ACSBG1: variants seen among roughly 807,000 people sequenced by gnomAD.
The protein encoded by ACSBG1 is long-chain-fatty-acid--CoA ligase ACSBG1.
Under a neutral mutation model 80.2 loss-of-function variants are expected in ACSBG1, and 39 were observed. The observed-to-expected ratio is 0.49, with a 90% CI of 0.38 to 0.64. The LOEUF is 0.64. Among genes scored for constraint, ACSBG1 ranks in the 30% least tolerant of loss-of-function variants. The probability of loss-of-function intolerance (pLI) is 0.00; values close to 1 mark genes in which losing one functional copy is unlikely to be tolerated. For missense variants in ACSBG1, 828 were observed against 966.4 expected (o/e 0.86, Z 1.90); for synonymous variants, 392 against 379.5 (o/e 1.03, Z -0.38).
rs144257398 is a variant in ACSBG1 at position 78,211,907 on chromosome 15, C to G, written c.132-3805G>C. Among the ~76,000 whole-genome samples, 966 of 152,318 alleles carry G rather than the reference C, an allele frequency of 6.3e-3. 15 individuals are homozygous for G. The highest frequency in any genetic ancestry group is 0.022 in the African/African-American group (921 of 41,578). On this transcript the variant is annotated intron_variant, in intron 1 of 13. Coordinates refer to ENST00000258873, the MANE Select transcript of ACSBG1 (RefSeq NM_015162.5). ...GCTTTGATGGTCACACATGGCTTGA[C>G]AGCTGGGGCCGCTTCTGATTCAGCT... is the stretch of plus-strand genomic sequence containing the variant.
intron 1 of ACSBG1, among the ~76,000 whole-genome samples, chr15:78,210,563 C>T (rs1394531931): frequency 6.6e-6 from 1 of 152,206 alleles, no homozygotes; most frequent in East Asian, 1.9e-4. Flanking sequence ...TGCTGTCTCA[C>T]ACTCGTTGTT....
At chr15:78,209,168 T>C (rs1310214605) in intron 1 of ACSBG1, 1 of 455,938 alleles carries the variant, frequency 2.2e-6, no homozygotes, top group African/African-American at 2.0e-5. Flanking sequence ...TCAGCCTCAC[T>C]CCTTGTCGGC....
At chr15:78,213,112 T>C (rs1212482156) in intron 1 of ACSBG1, among the ~76,000 whole-genome samples, 1 of 152,144 alleles carries the variant, frequency 6.6e-6, no homozygotes. Flanking sequence ...GCCTAACTAG[T>C]TCCCCATATC....
intron 1 of ACSBG1, chr15:78,209,003 A>G (rs2141368807): frequency 2.6e-6 from 1 of 378,492 alleles, no homozygotes; most frequent in South Asian, 1.9e-5. Context: ...AACAGAATCC[A>G]CTGGAGTTGT....
rs774760381 is a variant in ACSBG1 at position 78,182,492 on chromosome 15, T to C, written c.868A>G (p.Lys290Glu). 9 of 1,614,032 alleles carry C rather than the reference T, an allele frequency of 5.6e-6. No individual in the cohort carries two copies. Among genetic ancestry groups the C allele is most frequent in the Admixed American group, 3.3e-5 (2 of 60,000 alleles). The change falls in exon 7 of 14, where the codon AAG becomes GAG. Residue 290 changes from lysine to glutamate, a missense_variant. Physicochemically the swap from Lys to Glu is moderately conservative, Grantham distance 56. Coordinates refer to ENST00000258873, the MANE Select transcript of ACSBG1 (RefSeq NM_015162.5). Reference sequence around the variant, plus strand: ...TTGTCTTGACTCAGCATCACGCCCTTGGGGTTCCCAGTGGTGCCGGAAGTG... The same window carrying C: ...TTGTCTTGACTCAGCATCACGCCCTCGGGGTTCCCAGTGGTGCCGGAAGTG... ...VYTSGTTGNP[K>E]GVMLSQDNIT...
chr15:78,233,687 C>G (rs968500592), intron 1 of ACSBG1, among the ~76,000 whole-genome samples: 2 of 152,038 alleles, frequency 1.3e-5, no homozygotes, highest in Non-Finnish European at 2.9e-5. Context: ...CCTGGAGTTC[C>G]GTGTGTGTGC....
chr15:78,203,722 TG>T (rs1309319560), intron 2 of ACSBG1, among the ~76,000 whole-genome samples: 2 of 152,206 alleles, frequency 1.3e-5, no homozygotes, highest in Non-Finnish European at 2.9e-5. Flanking sequence ...AGCGGGAGGC[TG>T]GGGCTGTTTT....
intron 1 of ACSBG1, among the ~76,000 whole-genome samples, chr15:78,221,229 T>C (rs981693332): frequency 1.3e-5 from 2 of 152,018 alleles, no homozygotes; most frequent in Non-Finnish European, 1.5e-5. Flanking sequence ...TCCCTCAGTA[T>C]TGATTACTAT....
chr15:78,225,064 T>G (rs894017153), intron 1 of ACSBG1, among the ~76,000 whole-genome samples: 2 of 152,076 alleles, frequency 1.3e-5, no homozygotes, highest in Non-Finnish European at 2.9e-5. Context: ...AAAAAATCAA[T>G]TATATTTATA....
Position 78,169,040 on chromosome 15 carries a change from A to C in ACSBG1, c.*2404T>G. On this transcript the variant is annotated 3_prime_UTR_variant, in exon 14 of 14. Transcript: ENST00000258873. ...AACTGGCATTTACATCAGTCACTCT[A>C]AATGGACACCACATGAACCTCTGTT... The C allele has an allele frequency of 7.6e-7, 1 of 1,307,334 alleles. No homozygotes were observed. Among genetic ancestry groups the C allele is most frequent in the South Asian group, 1.2e-5 (1 of 83,010 alleles). The allele number at this position is 1,307,334 out of a possible 1,614,324, so 81.0% of individuals were successfully genotyped here.
In ACSBG1 at chr15:78,173,956, A is replaced by G. The variant is rs560237558; in HGVS notation, c.1843-117T>C. 4.3e-5 allele frequency: 55 copies of G among 1,270,658 alleles called. No homozygotes were observed. In the East Asian group the frequency reaches 1.3e-3, roughly 30 times the overall value. 78.7% of individuals were successfully genotyped at this position (1,270,658 alleles called of 1,614,324 possible). On this transcript the variant is annotated intron_variant, in intron 12 of 13. Coordinates refer to ENST00000258873, the MANE Select transcript of ACSBG1 (RefSeq NM_015162.5). ...TGTGAATCATGTGAGCTCTGTTTCA[A>G]AGAGACGGTTCTAGAATGAGTAGCT...
rs184357611 is a variant in ACSBG1 at position 78,191,895 on chromosome 15, G to A, written c.663+1611C>T. ...ATTGTCTCCCCCTCCACAACCCGCC[G>A]CAAAGAGATATGCCAAAGCCCTCAT... On this transcript the variant is annotated intron_variant, in intron 5 of 13. Transcript: ENST00000258873. Among the ~76,000 whole-genome samples, 204 of 152,246 alleles carry A rather than the reference G, an allele frequency of 1.3e-3. 2 individuals are homozygous for A. The highest frequency in any genetic ancestry group is 1.5e-3 in the Non-Finnish European group (101 of 68,028).
In ACSBG1 at chr15:78,234,505, C is replaced by A; in HGVS notation, c.-4G>T. 6.2e-7 allele frequency: 1 copy of A among 1,609,576 alleles called. No individual in the cohort carries two copies. Among genetic ancestry groups the A allele is most frequent in the South Asian group, 1.1e-5 (1 of 91,064 alleles). ...CAGCTCCAGAATTGCGTGGCATCTG[C>A]CTCGGGCTTCCACTGAAGACAGCTC... On this transcript the variant is annotated 5_prime_UTR_variant, in exon 1 of 14. Coordinates refer to ENST00000258873, the MANE Select transcript of ACSBG1 (RefSeq NM_015162.5).
chr15:78,228,871 G>T (rs151257046), intron 1 of ACSBG1, among the ~76,000 whole-genome samples: 13 of 152,206 alleles, frequency 8.5e-5, no homozygotes, highest in African/African-American at 2.9e-4. Flanking sequence ...TCCTACTCCT[G>T]TTTCATGTCT....
chr15:78,189,873 A>T (rs541115231), intron 5 of ACSBG1, among the ~76,000 whole-genome samples: 1 of 152,186 alleles, frequency 6.6e-6, no homozygotes, highest in East Asian at 1.9e-4. Context: ...AATTGGCAAT[A>T]ATAAGTTTTG....
At chr15:78,207,845 C>T (rs1325804598) in intron 2 of ACSBG1, 157 bp downstream of exon 2, 2 of 636,754 alleles carry the variant, frequency 3.1e-6, no homozygotes, top group East Asian at 2.7e-5. Context: ...AAGGAAGGGG[C>T]TTGGTGGGGT....
chr15:78,213,142 A>G (rs1279016052), intron 1 of ACSBG1, among the ~76,000 whole-genome samples: 1 of 152,196 alleles, frequency 6.6e-6, no homozygotes, highest in Non-Finnish European at 1.5e-5. Context: ...CCAAACAGGG[A>G]GAGCAATGCC....
intron 1 of ACSBG1, among the ~76,000 whole-genome samples, chr15:78,215,768 A>AAG (rs1388287514): frequency 2.0e-5 from 3 of 150,058 alleles, no homozygotes; most frequent in African/African-American, 7.5e-5. Context: ...GAAAGAAAGA[A>AAG]AGAAAGAAAG....
chr15:78,181,213 CAAGAAT>C, intron 8 of ACSBG1: 1 of 409,258 alleles, frequency 2.4e-6, no homozygotes, highest in Non-Finnish European at 4.3e-6. Context: ...AACTTAGACA[CAAGAAT>C]CCCATTCCCC....
Sources: allele counts gnomAD v4.1 joint callset (sites outside exome capture counted in the v4.1 genomes callset), GRCh38; gene constraint gnomAD v4.1.1; transcripts MANE v1.5; gene names NCBI Gene and HGNC (gene_info 2026-07-23, HGNC 2026-07-21).